TMEFF2: variants seen among roughly 807,000 people sequenced by gnomAD.
TMEFF2 encodes transmembrane protein with EGF like and two follistatin like domains 2, also known as tomoregulin-2.
A neutral mutation model predicts 53.8 loss-of-function variants in TMEFF2; 28 were observed. The observed-to-expected ratio is 0.52, with a 90% CI of 0.39 to 0.71. TMEFF2 has a LOEUF of 0.71. TMEFF2 is among the 30% of genes least tolerant of loss of function. The probability of loss-of-function intolerance (pLI) is 0.00; values close to 1 mark genes in which losing one functional copy is unlikely to be tolerated. For missense variants in TMEFF2, 353 were observed against 455.2 expected (o/e 0.78, Z 2.04); for synonymous variants, 162 against 166.3 (o/e 0.97, Z 0.20).
intron 5 of TMEFF2, among the ~76,000 whole-genome samples, chr2:192,052,526 T>TG (rs1687796635): frequency 2.6e-5 from 4 of 152,200 alleles, no homozygotes; most frequent in Admixed American, 2.6e-4. Flanking sequence ...GTTTCTAAAG[T>TG]GAAATCAGAA....
intron 7 of TMEFF2, among the ~76,000 whole-genome samples, chr2:191,992,908 G>T (rs912350022): frequency 6.6e-6 from 1 of 152,030 alleles, no homozygotes; most frequent in African/African-American, 2.4e-5. Context: ...AACGCTTAGG[G>T]TGCAGAGTCA....
chr2:192,030,523 C>T (rs73041673), intron 5 of TMEFF2: 103 of 151,978 alleles, frequency 6.8e-4, no homozygotes, highest in African/African-American at 2.1e-3. Flanking sequence ...ACCCAGAGCC[C>T]GCATGTTGTT....
chr2:192,065,719 C>T (rs948893190), intron 4 of TMEFF2, among the ~76,000 whole-genome samples: 4 of 151,144 alleles, frequency 2.6e-5, no homozygotes, highest in Non-Finnish European at 3.0e-5. Context: ...AAATGACTAT[C>T]GAGTTATGAA....
At chr2:191,957,944 C>G (rs934197781) in intron 7 of TMEFF2, among the ~76,000 whole-genome samples, 1 of 152,206 alleles carries the variant, frequency 6.6e-6, no homozygotes, top group Non-Finnish European at 1.5e-5. Context: ...GGTTTCTTCC[C>G]TCTTCTTTGA....
chr2:192,026,227 G>C (rs10195610), intron 5 of TMEFF2, among the ~76,000 whole-genome samples: 1 of 151,928 alleles, frequency 6.6e-6, no homozygotes, highest in South Asian at 2.1e-4. Flanking sequence ...CCAGTCACTT[G>C]GCTGCCAGAC....
intron 4 of TMEFF2, 145 bp downstream of exon 4, chr2:192,179,523 T>C (rs1312848278): frequency 3.9e-6 from 3 of 771,740 alleles, no homozygotes; most frequent in African/African-American, 3.7e-5. Context: ...GTACTTAATA[T>C]GGTGACAATT....
intron 4 of TMEFF2, among the ~76,000 whole-genome samples, chr2:192,132,230 C>T (rs894659242): frequency 1.6e-4 from 24 of 152,104 alleles, no homozygotes; most frequent in African/African-American, 7.2e-5. Context: ...CTAGCCCTCC[C>T]CCACCTGCCC....
intron 4 of TMEFF2, among the ~76,000 whole-genome samples, chr2:192,111,696 G>A (rs972548201): frequency 6.6e-6 from 1 of 152,174 alleles, no homozygotes; most frequent in Non-Finnish European, 1.5e-5. Flanking sequence ...ATGTCTCCAG[G>A]GGATTTCACA....
At chr2:192,112,307 G>A (rs1200495366) in intron 4 of TMEFF2, among the ~76,000 whole-genome samples, 1 of 152,184 alleles carries the variant, frequency 6.6e-6, no homozygotes, top group Non-Finnish European at 1.5e-5. Context: ...CCCACCTCTT[G>A]TGTCACCATG....
At chr2:192,160,752 T>C (rs983337474) in intron 4 of TMEFF2, among the ~76,000 whole-genome samples, 1 of 152,024 alleles carries the variant, frequency 6.6e-6, no homozygotes, top group African/African-American at 2.4e-5. Context: ...AAATATAAGA[T>C]AAATGGAAAA....
chr2:192,083,819 C>T (rs1688607840), intron 4 of TMEFF2, among the ~76,000 whole-genome samples: 1 of 151,514 alleles, frequency 6.6e-6, no homozygotes, highest in South Asian at 2.1e-4. Flanking sequence ...CAATTCTAAA[C>T]TTGTAGGATC....
At chr2:192,067,901 C>A (rs1688203648) in intron 4 of TMEFF2, among the ~76,000 whole-genome samples, 1 of 151,816 alleles carries the variant, frequency 6.6e-6, no homozygotes, top group Admixed American at 6.6e-5. Context: ...TTTAAAGTTA[C>A]CTTCTAACTA....
chr2:192,129,690 T>G (rs1689766178), intron 4 of TMEFF2, among the ~76,000 whole-genome samples: 1 of 152,212 alleles, frequency 6.6e-6, no homozygotes, highest in South Asian at 2.1e-4. Context: ...GTTTGAGGAT[T>G]TGGACTAAAT....
At chr2:192,144,624 T>C (rs1690208765) in intron 4 of TMEFF2, among the ~76,000 whole-genome samples, 1 of 152,106 alleles carries the variant, frequency 6.6e-6, no homozygotes, top group Non-Finnish European at 1.5e-5. Context: ...ATTCATCTGA[T>C]AGTACTTTAA....
chr2:192,018,885 ATCTTAT>A (rs10580364), intron 5 of TMEFF2, among the ~76,000 whole-genome samples: 17,144 of 151,922 alleles, frequency 0.11, 1,107 homozygotes, highest in East Asian at 0.3. Flanking sequence ...ATATGCTGAG[ATCTTAT>A]TCTTAATTTG....
intron 5 of TMEFF2, among the ~76,000 whole-genome samples, chr2:192,030,043 C>G (rs1687089421): frequency 6.6e-6 from 1 of 152,196 alleles, no homozygotes; most frequent in African/African-American, 2.4e-5. Context: ...CTGGACCACA[C>G]ATTGAGACAA....
At chr2:192,162,056 C>T (rs1690647400) in intron 4 of TMEFF2, among the ~76,000 whole-genome samples, 1 of 152,174 alleles carries the variant, frequency 6.6e-6, no homozygotes, top group Non-Finnish European at 1.5e-5. Flanking sequence ...CAGGCTGCTT[C>T]CTTACTGATG....
chr2:191,983,981 A>G (rs1289547500), intron 7 of TMEFF2, among the ~76,000 whole-genome samples: 2 of 152,186 alleles, frequency 1.3e-5, no homozygotes, highest in Non-Finnish European at 2.9e-5. Flanking sequence ...TGCTATTTCA[A>G]GGCTCAAAAT....
chr2:192,156,991 T>C (rs1383527104), intron 4 of TMEFF2, among the ~76,000 whole-genome samples: 1 of 152,004 alleles, frequency 6.6e-6, no homozygotes, highest in African/African-American at 2.4e-5. Context: ...TTAACATAAT[T>C]TGAGGATTAA....
Sources: allele counts gnomAD v4.1 joint callset (sites outside exome capture counted in the v4.1 genomes callset), GRCh38; gene constraint gnomAD v4.1.1; transcripts MANE v1.5; gene names NCBI Gene and HGNC (gene_info 2026-07-23, HGNC 2026-07-21).